The following EPB41L2 variants were observed in gnomAD, a reference collection of about 807,000 sequenced individuals.
The protein encoded by EPB41L2 is erythrocyte membrane protein band 4.1 like 2, also known as band 4.1-like protein 2.
A neutral mutation model predicts 113.0 loss-of-function variants in EPB41L2; 43 were observed. That is an observed-to-expected ratio of 0.38 (90% CI 0.30 to 0.49). The LOEUF (loss-of-function observed/expected upper bound fraction) is 0.49. EPB41L2 is among the 20% of genes least tolerant of loss of function. The pLI is 0.95. For missense variants in EPB41L2, 1,147 were observed against 1,223.4 expected (o/e 0.94, Z 0.93); for synonymous variants, 442 against 436.7 (o/e 1.01, Z -0.15).
chr6:131,011,147 G>A (rs1584500558), intron 1 of EPB41L2, among the ~76,000 whole-genome samples: 1 of 152,196 alleles, frequency 6.6e-6, no homozygotes, highest in Admixed American at 6.5e-5. Flanking sequence ...AGCCTAGTAA[G>A]GGACACAGGG....
intron 4 of EPB41L2, among the ~76,000 whole-genome samples, chr6:130,910,239 T>A (rs1403357915): frequency 1.3e-5 from 2 of 152,126 alleles, no homozygotes; most frequent in African/African-American, 2.4e-5. Flanking sequence ...TCTACAACCA[T>A]CTGATTTTTG....
At chr6:130,855,627 T>C (rs1779993942) in intron 19 of EPB41L2, among the ~76,000 whole-genome samples, 2 of 152,120 alleles carry the variant, frequency 1.3e-5, no homozygotes, top group Admixed American at 1.3e-4. Flanking sequence ...TAAGACCTCA[T>C]TTGATTAAAA....
intron 1 of EPB41L2, among the ~76,000 whole-genome samples, chr6:131,048,899 A>C (rs9689026): frequency 6.6e-6 from 1 of 151,506 alleles, no homozygotes; most frequent in Admixed American, 6.6e-5. Context: ...AAACCTAACC[A>C]GAAAAAAAAA....
chr6:130,977,262 A>T (rs544477796), intron 1 of EPB41L2, among the ~76,000 whole-genome samples: 66 of 152,354 alleles, frequency 4.3e-4, no homozygotes, highest in Admixed American at 2.1e-3. Context: ...GTAAAGAATC[A>T]AAGTAGTTCA....
intron 1 of EPB41L2, among the ~76,000 whole-genome samples, chr6:131,028,365 C>T (rs1340801618): frequency 6.6e-6 from 1 of 152,114 alleles, no homozygotes; most frequent in African/African-American, 2.4e-5. Flanking sequence ...TGGGTCATCC[C>T]TTAGTGCAAC....
intron 1 of EPB41L2, among the ~76,000 whole-genome samples, chr6:131,040,947 C>T (rs1794340235): frequency 6.6e-6 from 1 of 152,134 alleles, no homozygotes; most frequent in South Asian, 2.1e-4. Context: ...AGACCTGTAA[C>T]ATCTTGCATC....
At chr6:130,981,611 A>C (rs1779396311) in intron 1 of EPB41L2, among the ~76,000 whole-genome samples, 1 of 152,190 alleles carries the variant, frequency 6.6e-6, no homozygotes, top group African/African-American at 2.4e-5. Flanking sequence ...CAAAACCAAA[A>C]AGGCACAGCT....
At chr6:131,039,245 C>T (rs192866473) in intron 1 of EPB41L2, among the ~76,000 whole-genome samples, 1 of 152,156 alleles carries the variant, frequency 6.6e-6, no homozygotes, top group South Asian at 2.1e-4. Flanking sequence ...AAGGTTAGGA[C>T]GCAAACCCCT....
At chr6:130,863,311 T>C (rs1782726787) in intron 18 of EPB41L2, among the ~76,000 whole-genome samples, 1 of 152,246 alleles carries the variant, frequency 6.6e-6, no homozygotes, top group Non-Finnish European at 1.5e-5. Context: ...AACTGGTGCA[T>C]TGAACTGCCA....
chr6:130,858,848 C>A (rs1781102809), intron 18 of EPB41L2, among the ~76,000 whole-genome samples: 1 of 152,248 alleles, frequency 6.6e-6, no homozygotes, highest in Non-Finnish European at 1.5e-5. Flanking sequence ...GTAGCAACAA[C>A]ATACAATTAG....
At chr6:130,952,122 T>C (rs73621507) in intron 3 of EPB41L2, among the ~76,000 whole-genome samples, 1,579 of 152,252 alleles carry the variant, frequency 0.01, 38 homozygotes, top group African/African-American at 0.037. Context: ...ATTTGATTGG[T>C]CCAAATTAAT....
chr6:130,955,883 A>C, intron 2 of EPB41L2, 111 bp downstream of exon 2: 1 of 1,497,546 alleles, frequency 6.7e-7, no homozygotes, highest in Non-Finnish European at 8.9e-7. Flanking sequence ...ATTAAGCTAA[A>C]GCAGTATCTC....
At chr6:130,854,434 A>G (rs1314071435) in intron 19 of EPB41L2, among the ~76,000 whole-genome samples, 1 of 152,122 alleles carries the variant, frequency 6.6e-6, no homozygotes, top group Non-Finnish European at 1.5e-5. Context: ...GCTTCTCATA[A>G]AAGTTAGCCT....
intron 1 of EPB41L2, among the ~76,000 whole-genome samples, chr6:130,990,827 A>ATTTT (rs201343428): frequency 1.5e-5 from 2 of 136,832 alleles, no homozygotes; most frequent in Non-Finnish European, 1.6e-5. Context: ...TATACAGGTA[A>ATTTT]TTTTTTTTTT....
At chr6:130,871,775 G>A (rs1261790731) in intron 14 of EPB41L2, among the ~76,000 whole-genome samples, 3 of 152,094 alleles carry the variant, frequency 2.0e-5, no homozygotes, top group African/African-American at 7.2e-5. Context: ...TTGATAAGCA[G>A]GTAAAATTTA....
At chr6:130,870,235 T>C in intron 14 of EPB41L2, 109 bp from the exon 15 acceptor site, 1 of 1,525,484 alleles carries the variant, frequency 6.6e-7, no homozygotes, top group Non-Finnish European at 8.9e-7. Flanking sequence ...AAAACAAAGA[T>C]GATTATGATG....
chr6:130,936,907 T>C (rs1583639093), intron 3 of EPB41L2, among the ~76,000 whole-genome samples: 1 of 152,216 alleles, frequency 6.6e-6, no homozygotes, highest in South Asian at 2.1e-4. Flanking sequence ...GCACAAATGC[T>C]CCAGCCGGCA....
At chr6:130,957,196 T>C (rs1562588192) in intron 1 of EPB41L2, among the ~76,000 whole-genome samples, 1 of 152,170 alleles carries the variant, frequency 6.6e-6, no homozygotes, top group Non-Finnish European at 1.5e-5. Context: ...TCTTTCTATA[T>C]ATAAGAAAAA....
chr6:130,896,434 T>C (rs1562423265), intron 8 of EPB41L2, among the ~76,000 whole-genome samples: 1 of 152,208 alleles, frequency 6.6e-6, no homozygotes, highest in African/African-American at 2.4e-5. Flanking sequence ...AAACCATCAC[T>C]GCCCATGGCC....
Sources: gnomAD v4.1 joint callset for allele counts (sites outside exome capture counted in the v4.1 genomes callset) on GRCh38, gnomAD v4.1.1 for gene constraint, MANE v1.5 for transcripts, NCBI Gene and HGNC (gene_info 2026-07-23, HGNC 2026-07-21) for gene names.